Variants in MCOLN1 observed in about 807,000 individuals in gnomAD.
MCOLN1 encodes mucolipin-1.
Under a neutral mutation model 70.3 loss-of-function variants are expected in MCOLN1, and 50 were observed. The observed-to-expected ratio is 0.71, with a 90% confidence interval of 0.57 to 0.90. The LOEUF is 0.90. MCOLN1 is among the 40% of genes least tolerant of loss of function. MCOLN1 has a pLI of 0.00. For missense variants in MCOLN1, 598 were observed against 803.5 expected (o/e 0.74, Z 3.09); for synonymous variants, 366 against 341.0 (o/e 1.07, Z -0.81).
chr19:7,529,219 C>T lies in MCOLN1; in HGVS notation c.1236+17C>T, dbSNP rs2022618750. On this transcript the variant is annotated intron_variant, in intron 10 of 13. Coordinates refer to ENST00000264079, the MANE Select transcript of MCOLN1 (RefSeq NM_020533.3). ...AACTACAATGTGAGTTTTGCACATG[C>T]AGCTGGGCCTTCCACATGGTTACTC... is the stretch of plus-strand genomic sequence containing the variant. 6.3e-7 allele frequency: 1 copy of T among 1,597,438 alleles called. No individual in the cohort carries two copies.
In MCOLN1 at chr19:7,524,868, T is replaced by C; in HGVS notation, c.32-93T>C. The C allele has an allele frequency of 1.9e-6, 2 of 1,028,884 alleles. No individual in the cohort carries two copies. The highest frequency in any genetic ancestry group is 3.0e-6 in the Non-Finnish European group (2 of 664,570). The allele number at this position is 1,028,884 out of a possible 1,614,324, so 63.7% of individuals were successfully genotyped here. ...CTTCCTTGGCAGGAGCATGGGGACATGAAGATAGGGCGTGTGCTGCCTTCC... is the reference window on the plus strand; with the variant it reads ...CTTCCTTGGCAGGAGCATGGGGACACGAAGATAGGGCGTGTGCTGCCTTCC... On this transcript the variant is annotated intron_variant, in intron 1 of 13. Coordinates refer to ENST00000264079, the MANE Select transcript of MCOLN1 (RefSeq NM_020533.3). This position sits in a 1 kb window ranked among gnomAD's most constrained non-coding sequence, Gnocchi z 4.1.
chr19:7,526,741 C>T lies in MCOLN1; in HGVS notation c.406-20C>T, dbSNP rs767403854. 5.6e-6 allele frequency: 9 copies of T among 1,612,990 alleles called. No individual in the cohort carries two copies. Among genetic ancestry groups the T allele is most frequent in the Non-Finnish European group, 6.8e-6 (8 of 1,179,988 alleles). ...AGAGAGCGGGCCGGACTCACAGGCC[C>T]TCCCCTTCTCTGCCCACAGTACCTG... is the stretch of plus-strand genomic sequence containing the variant. On this transcript the variant is annotated intron_variant, in intron 3 of 13. Transcript: ENST00000264079. The surrounding 1 kb of genome is among the most constrained non-coding windows in gnomAD (Gnocchi z 4.6).
chr19:7,526,283 T>G lies in MCOLN1; in HGVS notation c.238-156T>G. 9.5e-6 allele frequency: 8 copies of G among 840,096 alleles called. No individual in the cohort carries two copies. The highest frequency in any genetic ancestry group is 1.4e-5 in the South Asian group (1 of 70,474). The allele number at this position is 840,096 out of a possible 1,614,324, so 52.0% of individuals were successfully genotyped here. A position where few individuals can be genotyped will look rare whatever the true frequency, so the allele number is the denominator to read the frequency against. ...TAATCAAAGCAAAGAAATGCACAAG[T>G]GAAATCCGTGTTTGTGGCCCAAGTT... On this transcript the variant is annotated intron_variant, in intron 2 of 13. Coordinates refer to ENST00000264079, the MANE Select transcript of MCOLN1 (RefSeq NM_020533.3). This position sits in a 1 kb window ranked among gnomAD's most constrained non-coding sequence, Gnocchi z 4.6.
rs954548104 is a variant in MCOLN1, at chr19:7,522,654, C to G, written c.-97C>G. 2 of 1,310,526 alleles carry G rather than the reference C, an allele frequency of 1.5e-6. No homozygotes were observed. The highest frequency in any genetic ancestry group is 6.1e-5 in the East Asian group (2 of 32,956). The allele number at this position is 1,310,526 out of a possible 1,614,324, so 81.2% of individuals were successfully genotyped here. On this transcript the variant is annotated 5_prime_UTR_variant, in exon 1 of 14. Transcript: ENST00000264079. Reference sequence around the variant, plus strand: ...TCAGCTGATGCCGGAGGGTTTGAAGCCGCGCCGCGAGGGAGCGAGGTCGCA... The same window carrying G: ...TCAGCTGATGCCGGAGGGTTTGAAGGCGCGCCGCGAGGGAGCGAGGTCGCA...
At chr19:7,529,799 TG>T in intron 11 of MCOLN1, 87 bp downstream of exon 11, 2 of 1,522,028 alleles carry the variant, frequency 1.3e-6, no homozygotes, top group Non-Finnish European at 1.8e-6. Flanking sequence ...TGGTGACTGC[TG>T]GGAGTCTGTC....
At position 7,527,890 on chromosome 19, in the gene MCOLN1, G is replaced by A. The variant is rs528887619; in HGVS notation, c.707G>A (p.Arg236Gln). ...CTGGTCAATGTCACCATCCACTTCC[G>A]GCTGAAGACCATTAACCTCCAGAGC... The part of the protein sequence containing the change: ...HKLVNVTIHF[R>Q]LKTINLQSLI... The change falls in exon 6 of 14, where the codon CGG becomes CAG. Residue 236 changes from arginine (R) to glutamine (Q), a missense_variant. By Grantham distance (43) the Arg-to-Gln change is conservative. Around this residue, in one of 3 missense-constraint regions of MCOLN1, gnomAD observed 461 missense variants for 588.4 expected, o/e 0.78. Transcript: ENST00000264079. 445 of 1,614,094 alleles carry A rather than the reference G, an allele frequency of 2.8e-4. 5 individuals carry two copies. The South Asian group carries it at 3.8e-3, about 14-fold the overall frequency.
intron 12 of MCOLN1, among the ~76,000 whole-genome samples, chr19:7,532,035 AC>A (rs376562835): frequency 1.4e-3 from 209 of 152,204 alleles, no homozygotes; most frequent in African/African-American, 4.8e-3. Flanking sequence ...CGTGCTCCTA[AC>A]CCCTCTGTCC....
chr19:7,528,401 G>A lies in MCOLN1; in HGVS notation c.877+144G>A, dbSNP rs970807096. Reference sequence around the variant, plus strand: ...CAGATCAGCACAGACCAGGGACCCCGTCCTGTGCTGAGATCCCCCAAGCCC... The same window carrying A: ...CAGATCAGCACAGACCAGGGACCCCATCCTGTGCTGAGATCCCCCAAGCCC... On this transcript the variant is annotated intron_variant, in intron 7 of 13. Coordinates refer to ENST00000264079, the MANE Select transcript of MCOLN1 (RefSeq NM_020533.3). The surrounding 1 kb of genome is among the most constrained non-coding windows in gnomAD (Gnocchi z 4.2). 2.7e-5 allele frequency: 27 copies of A among 993,652 alleles called. No individual in the cohort carries two copies. Among genetic ancestry groups the A allele is most frequent in the East Asian group, 7.8e-5 (3 of 38,320 alleles). The allele number at this position is 993,652 out of a possible 1,614,324, so 61.6% of individuals were successfully genotyped here. A position where few individuals can be genotyped will look rare whatever the true frequency, so the allele number is the denominator to read the frequency against.
At chr19:7,527,754 G>A in intron 5 of MCOLN1, 110 bp from the exon 6 acceptor site, 1 of 1,118,402 alleles carries the variant, frequency 8.9e-7, no homozygotes, top group East Asian at 2.3e-5. Flanking sequence ...CCTGCTGGGT[G>A]AGCACTTCCC....
At position 7,527,966 on chromosome 19, in the gene MCOLN1, G is replaced by GC. The variant is rs563339019; in HGVS notation, c.777+12dup. 2.5e-4 allele frequency: 409 copies of GC among 1,611,556 alleles called. 6 individuals are homozygous for GC. The highest frequency in any genetic ancestry group is 2.3e-3 in the South Asian group (213 of 91,018). ...GCTATACCTTCAGCGTCCTGGTGAG[G>GC]CCCCCCGGGAACCCACAGGGCTCCT... On this transcript the variant is annotated splice_region_variant and intron_variant, in intron 6 of 13. Transcript: ENST00000264079.
rs886054692 is a variant in MCOLN1 at position 7,522,664 on chromosome 19, A to G, written c.-87A>G. ...CCGGAGGGTTTGAAGCCGCGCCGCG[A>G]GGGAGCGAGGTCGCAGTGACAGCGG... On this transcript the variant is annotated 5_prime_UTR_variant, in exon 1 of 14. Transcript: ENST00000264079. 6 of 1,346,782 alleles carry G rather than the reference A, an allele frequency of 4.5e-6. No individual in the cohort carries two copies. The highest frequency in any genetic ancestry group is 1.5e-5 in the African/African-American group (1 of 65,632). The allele number at this position is 1,346,782 out of a possible 1,614,324, so 83.4% of individuals were successfully genotyped here.
intron 11 of MCOLN1, 104 bp downstream of exon 11, chr19:7,529,816 T>C (rs2022628660): frequency 7.4e-7 from 1 of 1,354,340 alleles, no homozygotes; most frequent in Non-Finnish European, 1.1e-6. Flanking sequence ...CTGTCCACTG[T>C]CCCCTGTGGT....
chr19:7,533,997 G>A lies in MCOLN1; in HGVS notation c.*202G>A, dbSNP rs1599259197. 10 of 656,726 alleles carry A rather than the reference G, an allele frequency of 1.5e-5. No homozygotes were observed. In the East Asian group the frequency reaches 2.5e-4, roughly 16 times the overall value. 40.7% of individuals were successfully genotyped at this position (656,726 alleles called of 1,614,324 possible). A position where few individuals can be genotyped will look rare whatever the true frequency, so the allele number is the denominator to read the frequency against. On this transcript the variant is annotated 3_prime_UTR_variant, in exon 14 of 14. Coordinates refer to ENST00000264079, the MANE Select transcript of MCOLN1 (RefSeq NM_020533.3). ...GAATAAAAGGGAAAATAAATGTGTCGTTTTCATTTTTAGCGGGAGGAGCAG... is the reference window on the plus strand; with the variant it reads ...GAATAAAAGGGAAAATAAATGTGTCATTTTCATTTTTAGCGGGAGGAGCAG...
rs1568399292 is a variant in MCOLN1 at position 7,528,105 on chromosome 19, CCTTGGGG to C, written c.778-43_778-37del. 5 of 1,593,582 alleles carry C rather than the reference CCTTGGGG, an allele frequency of 3.1e-6. No individual in the cohort carries two copies. The Admixed American group carries it at 5.0e-5, about 16-fold the overall frequency. ...TCTGTCAGGCCACCTGTCATGTGGA[CCTTGGGG>C]CTTGGGGCTGCCAAGGTTTACTCTG... On this transcript the variant is annotated intron_variant, in intron 6 of 13. Transcript: ENST00000264079. This position sits in a 1 kb window ranked among gnomAD's most constrained non-coding sequence, Gnocchi z 4.2.
chr19:7,527,997 C>T (rs1303057477), intron 6 of MCOLN1, 37 bp downstream of exon 6: 1 of 1,581,920 alleles, frequency 6.3e-7, no homozygotes, highest in Non-Finnish European at 8.7e-7. Flanking sequence ...CTCCTGAGTT[C>T]CAGGGCAGGG....
Position 7,533,765 on chromosome 19 carries a change from C to A in MCOLN1, c.1713C>A (p.Pro571=). 6.2e-7 allele frequency: 1 copy of A among 1,614,218 alleles called. No homozygotes were observed. Among genetic ancestry groups the A allele is most frequent in the Non-Finnish European group, 8.5e-7 (1 of 1,180,048 alleles). ...CSLLCCCGRD[P]SEEHSLLVN ...CCCTGCTTCCTTCCTCCAGGGACCC[C>A]TCGGAGGAGCATTCGCTGCTGGTGA... Residue 571 remains proline, a synonymous_variant, in exon 14 of 14, where the codon CCC becomes CCA. Coordinates refer to ENST00000264079, the MANE Select transcript of MCOLN1 (RefSeq NM_020533.3).
intron 12 of MCOLN1, among the ~76,000 whole-genome samples, chr19:7,532,957 T>TG (rs1454664140): frequency 6.6e-6 from 1 of 152,140 alleles, no homozygotes; most frequent in East Asian, 1.9e-4. Context: ...TGAAAAAACT[T>TG]GGAGAAAAGA....
rs2146024102 is a variant in MCOLN1 at position 7,528,089 on chromosome 19, C to T, written c.778-69C>T. 1 of 1,567,954 alleles carries T rather than the reference C, an allele frequency of 6.4e-7. No homozygotes were observed. Among genetic ancestry groups the T allele is most frequent in the Non-Finnish European group, 8.8e-7 (1 of 1,138,154 alleles). ...GGGAGGGAGCCCGGGGTCTGTCAGG[C>T]CACCTGTCATGTGGACCTTGGGGCT... On this transcript the variant is annotated intron_variant, in intron 6 of 13. Coordinates refer to ENST00000264079, the MANE Select transcript of MCOLN1 (RefSeq NM_020533.3). This position sits in a 1 kb window ranked among gnomAD's most constrained non-coding sequence, Gnocchi z 4.2.
Position 7,527,644 on chromosome 19 carries a change from T to C in MCOLN1, c.680+16T>C. Reference sequence around the variant, plus strand: ...AATTCCACAAGTACTGCCTGCTCACTCGAGGGGGGCCCAGGGTGGGGGAGG... The same window carrying C: ...AATTCCACAAGTACTGCCTGCTCACCCGAGGGGGGCCCAGGGTGGGGGAGG... On this transcript the variant is annotated intron_variant, in intron 5 of 13. Transcript: ENST00000264079. 1.3e-6 allele frequency: 2 copies of C among 1,559,642 alleles called. No homozygotes were observed. The highest frequency in any genetic ancestry group is 1.8e-6 in the Non-Finnish European group (2 of 1,130,290).
Sources: allele counts gnomAD v4.1 joint callset (sites outside exome capture counted in the v4.1 genomes callset), GRCh38; gene constraint gnomAD v4.1.1; regional missense constraint gnomAD v4.1.1; non-coding constraint Gnocchi (gnomAD v3.1); transcripts MANE v1.5; gene names NCBI Gene and HGNC (gene_info 2026-07-23, HGNC 2026-07-21).